The following RSAD2 variants were observed in gnomAD, a reference collection of about 807,000 sequenced individuals.
RSAD2 encodes the protein radical S-adenosyl methionine domain containing 2.
A neutral mutation model predicts 37.7 loss-of-function variants in RSAD2; 38 were observed. That is an observed-to-expected ratio of 1.01 (90% CI 0.78 to 1.32). The LOEUF (loss-of-function observed/expected upper bound fraction) is 1.32. RSAD2 is among the 40% of genes most tolerant of loss of function. The probability of loss-of-function intolerance (pLI) is 0.00; values close to 1 mark genes in which losing one functional copy is unlikely to be tolerated. For missense variants in RSAD2, 428 were observed against 437.5 expected, an observed-to-expected ratio of 0.98 and a Z score of 0.19; for synonymous variants, 163 against 157.4, an observed-to-expected ratio of 1.04 and a Z score of -0.27.
Position 6,870,977 on chromosome 2 carries a change from C to T in RSAD2, c.142+4932C>T, listed in dbSNP as rs566511326. ...AAAAATTACCCAAAATAATCTGAAA[C>T]TTTACTGGCCAAAGTGGGACTCCTT... On this transcript the variant is annotated intron_variant, in intron 1 of 5. Transcript: ENST00000442639. Among the ~76,000 whole-genome samples, 16 of 152,316 alleles carry T rather than the reference C, an allele frequency of 1.1e-4. No individual in the cohort carries two copies. In the East Asian group the frequency reaches 2.1e-3, roughly 20 times the overall value.
chr2:6,890,586 A>G (rs1180740996), intron 4 of RSAD2, among the ~76,000 whole-genome samples: 1 of 152,202 alleles, frequency 6.6e-6, no homozygotes, highest in Non-Finnish European at 1.5e-5. Context: ...ACAACTGTAT[A>G]TAGATTCATG....
At chr2:6,891,510 G>A (rs1025002458) in intron 4 of RSAD2, among the ~76,000 whole-genome samples, 1 of 152,220 alleles carries the variant, frequency 6.6e-6, no homozygotes, top group Non-Finnish European at 1.5e-5. Flanking sequence ...GCTCACGCCT[G>A]TAATCCCAGC....
At chr2:6,868,636 C>T (rs1271974453) in intron 1 of RSAD2, among the ~76,000 whole-genome samples, 3 of 152,230 alleles carry the variant, frequency 2.0e-5, no homozygotes, top group Non-Finnish European at 2.9e-5. Flanking sequence ...CTCTCTCCCG[C>T]ATAACCTTCT....
intron 1 of RSAD2, among the ~76,000 whole-genome samples, chr2:6,883,088 G>A (rs750689284): frequency 6.6e-6 from 1 of 152,170 alleles, no homozygotes; most frequent in Non-Finnish European, 1.5e-5. Flanking sequence ...GCAGGCATGT[G>A]GCTTTATGCT....
chr2:6,866,976 A>G (rs1663105884), intron 1 of RSAD2, among the ~76,000 whole-genome samples: 1 of 152,210 alleles, frequency 6.6e-6, no homozygotes, highest in South Asian at 2.1e-4. Context: ...AAAATTTTTT[A>G]GCTCTTTGAG....
chr2:6,878,407 AG>A (rs1663331338), intron 1 of RSAD2, among the ~76,000 whole-genome samples: 1 of 152,212 alleles, frequency 6.6e-6, no homozygotes, highest in African/African-American at 2.4e-5. Context: ...GCCATTTGGA[AG>A]CAAGAAGGGG....
At chr2:6,867,355 G>A (rs888724333) in intron 1 of RSAD2, among the ~76,000 whole-genome samples, 1 of 152,124 alleles carries the variant, frequency 6.6e-6, no homozygotes, top group East Asian at 1.9e-4. Flanking sequence ...GTGTTCTCAC[G>A]GGACCTTTCC....
intron 1 of RSAD2, among the ~76,000 whole-genome samples, chr2:6,867,725 T>G (rs555036489): frequency 5.2e-4 from 79 of 152,320 alleles, no homozygotes; most frequent in African/African-American, 1.8e-3. Context: ...TTCCTAACTT[T>G]TCTCTGAGCC....
In RSAD2 at chr2:6,887,084, A is replaced by G. The variant is rs767956888; in HGVS notation, c.658A>G (p.Ile220Val). Reference sequence around the variant, plus strand: ...TAGGGATTATAGAGTCGCTTTCAAGATAAATTCTGTCATTAATCGTTTCAA... The same window carrying G: ...TAGGGATTATAGAGTCGCTTTCAAGGTAAATTCTGTCATTAATCGTTTCAA... Reference protein sequence around the residue: ...WCRDYRVAFKINSVINRFNVE... With the variant: ...WCRDYRVAFKVNSVINRFNVE... The change falls in exon 3 of 6, where the codon ATA (isoleucine) becomes GTA (valine). Residue 220 changes from isoleucine to valine, a missense_variant. Physicochemically the swap from Ile to Val is conservative, Grantham distance 29. Transcript: ENST00000382040. 1 of 1,614,126 alleles carries G rather than the reference A, an allele frequency of 6.2e-7. No homozygotes were observed. Among genetic ancestry groups the G allele is most frequent in the South Asian group, 1.1e-5 (1 of 91,088 alleles).
chr2:6,881,325 G>A (rs945903068), intron 1 of RSAD2, among the ~76,000 whole-genome samples: 6 of 152,208 alleles, frequency 3.9e-5, no homozygotes, highest in African/African-American at 7.2e-5. Context: ...GAGAGTGAAA[G>A]GGGGCACTAA....
upstream of RSAD2, among the ~76,000 whole-genome samples, chr2:6,873,380 G>A (rs1464958220): frequency 6.6e-6 from 1 of 152,158 alleles, no homozygotes. Flanking sequence ...TTCTGTGCCT[G>A]ATTAAATTCA....
Position 6,896,223 on chromosome 2 carries a change from T to C in RSAD2, c.*281T>C, listed in dbSNP as rs944794316. On this transcript the variant is annotated 3_prime_UTR_variant, in exon 6 of 6. Coordinates refer to ENST00000382040, the MANE Select transcript of RSAD2 (RefSeq NM_080657.5). ...GTTTGTTTTAGCTAAAAAGAAGGAA[T>C]ACACACAGGAATAATGACCCCAAAA... 1 of 303,514 alleles carries C rather than the reference T, an allele frequency of 3.3e-6. No individual in the cohort carries two copies. Among genetic ancestry groups the C allele is most frequent in the Non-Finnish European group, 6.1e-6 (1 of 162,890 alleles). The allele number at this position is 303,514 out of a possible 1,614,324, so 18.8% of individuals were successfully genotyped here.
intron 3 of RSAD2, among the ~76,000 whole-genome samples, 180 bp from the exon 4 acceptor site, chr2:6,889,996 C>G (rs966939293): frequency 6.6e-6 from 1 of 152,160 alleles, no homozygotes; most frequent in Non-Finnish European, 1.5e-5. Context: ...GCTTCTGACA[C>G]CATATTCCTA....
At chr2:6,877,667 C>T, upstream of RSAD2, 1 of 672,264 alleles carries the variant, frequency 1.5e-6, no homozygotes, top group Admixed American at 3.0e-5. Context: ...GAAACTCTAA[C>T]TCAGCTGAGT....
In RSAD2 at chr2:6,895,958, G is replaced by A. The variant is rs752396781; in HGVS notation, c.*16G>A. ...GGATTGGTAGAGCGGAAAGTGGAAC[G>A]AGACTTCAACACACCAGTGGGAAAA... is the stretch of plus-strand genomic sequence containing the variant. On this transcript the variant is annotated 3_prime_UTR_variant, in exon 6 of 6. Coordinates refer to ENST00000382040, the MANE Select transcript of RSAD2 (RefSeq NM_080657.5). 5.0e-6 allele frequency: 8 copies of A among 1,610,754 alleles called. No individual in the cohort carries two copies. The highest frequency in any genetic ancestry group is 5.1e-6 in the Non-Finnish European group (6 of 1,177,726).
In RSAD2 at chr2:6,877,845, T is replaced by C. The variant is rs1558333815; in HGVS notation, c.45T>C (p.Ser15=). 1.9e-6 allele frequency: 3 copies of C among 1,613,812 alleles called. No individual in the cohort carries two copies. The highest frequency in any genetic ancestry group is 8.5e-7 in the Non-Finnish European group (1 of 1,179,944). The change falls in exon 1 of 6, where the codon AGT becomes AGC. Residue 15 remains serine (S), a synonymous_variant. Transcript: ENST00000382040. The stretch of plus-strand genomic sequence containing the variant: ...CTGCTTTTGCTGGGAAGCTCTTGAG[T>C]GTGTTCAGGCAACCTCTGAGCTCTC... ...TPAAFAGKLL[S]VFRQPLSSLW... is the part of the protein sequence containing the mutation.
intron 1 of RSAD2, among the ~76,000 whole-genome samples, chr2:6,878,555 G>C (rs867371212): frequency 1.3e-5 from 2 of 152,182 alleles, no homozygotes; most frequent in Non-Finnish European, 2.9e-5. Context: ...AATTAGAAAA[G>C]TTGGAAACAA....
intron 1 of RSAD2, among the ~76,000 whole-genome samples, chr2:6,881,308 G>C (rs1344161904): frequency 6.6e-6 from 1 of 152,196 alleles, no homozygotes; most frequent in East Asian, 1.9e-4. Context: ...CAATCATAGA[G>C]ACATCTGAGA....
At chr2:6,877,021 G>A (rs6431835), upstream of RSAD2, 143,448 of 152,264 alleles carry the variant, frequency 0.94, 68,121 homozygotes, top group East Asian at 1. Context: ...CTAAAAGGAA[G>A]ATTTCAGTAA....
Sources: gnomAD v4.1 joint callset for allele counts (sites outside exome capture counted in the v4.1 genomes callset) on GRCh38, gnomAD v4.1.1 for gene constraint, MANE v1.5 for transcripts, NCBI Gene and HGNC (gene_info 2026-07-23, HGNC 2026-07-21) for gene names.